Variants in DOP1B observed in about 807,000 individuals in gnomAD.
DOP1B encodes the protein protein DOP1B.
A neutral mutation model predicts 233.5 loss-of-function variants in DOP1B; 174 were observed. The observed-to-expected ratio is 0.75, with a 90% CI of 0.66 to 0.85. The LOEUF (loss-of-function observed/expected upper bound fraction) is 0.85, where lower values mean the gene tolerates loss of function less well. Among genes scored for constraint, DOP1B ranks in the 40% least tolerant of loss-of-function variants. The probability of loss-of-function intolerance (pLI) is 0.00; values close to 1 mark genes in which losing one functional copy is unlikely to be tolerated. For synonymous variants in DOP1B, 1,190 were observed against 1,185.6 expected (o/e 1.00, Z -0.08); for missense variants, 2,652 against 2,846.6 (o/e 0.93, Z 1.56).
intron 30 of DOP1B, among the ~76,000 whole-genome samples, chr21:36,278,952 G>A (rs756646634): frequency 6.6e-6 from 1 of 151,998 alleles, no homozygotes; most frequent in Non-Finnish European, 1.5e-5. Context: ...CAAAATAATT[G>A]GCCAGTGTTA....
At chr21:36,231,215 C>A in intron 14 of DOP1B, 81 bp downstream of exon 14, 1 of 1,470,828 alleles carries the variant, frequency 6.8e-7, no homozygotes, top group Admixed American at 2.3e-5. Flanking sequence ...CCCCTATCCA[C>A]AATGCTAGGG....
rs1601447849 is a variant in DOP1B, at chr21:36,248,516, A to G, written c.4946A>G (p.Asp1649Gly). The G allele has an allele frequency of 6.2e-7, 1 of 1,614,118 alleles. No homozygotes were observed. The highest frequency in any genetic ancestry group is 1.3e-5 in the African/African-American group (1 of 75,052). ...GAGGAGACTCAAAAGAGACCTGTCG[A>G]TCTCCTAGGGGCCACGAAGGGATCC... ...RKEETQKRPV[D>G]LLGATKGSSS... The change falls in exon 21 of 37, where the codon GAT becomes GGT. Residue 1649 changes from aspartate to glycine, a missense_variant. Transcript: ENST00000691173.
In DOP1B at chr21:36,225,607, T is replaced by TC; in HGVS notation, c.1419dup (p.Thr474HisfsTer23). On this transcript the variant is annotated frameshift_variant, in exon 12 of 37. Transcript: ENST00000691173. LOFTEE classifies it high-confidence loss of function. Reference sequence around the variant, plus strand: ...ACAGCGTGAGGAACAGCGTCAGCCCTCCCCCCACGGTCTCGGAGCTCTGCG... The same window carrying TC: ...ACAGCGTGAGGAACAGCGTCAGCCCTCCCCCCCACGGTCTCGGAGCTCTGCG... 6.2e-7 allele frequency: 1 copy of TC among 1,613,908 alleles called. No homozygotes were observed. The highest frequency in any genetic ancestry group is 1.1e-5 in the South Asian group (1 of 91,062).
chr21:36,277,914 T>C, intron 28 of DOP1B, 61 bp from the exon 29 acceptor site: 1 of 1,359,872 alleles, frequency 7.4e-7, no homozygotes, highest in Non-Finnish European at 1.1e-6. Context: ...AGTGCTGGGA[T>C]TACAGGTGTG....
chr21:36,273,009 A>AC (rs1053135836), intron 27 of DOP1B, among the ~76,000 whole-genome samples: 9 of 113,184 alleles, frequency 8.0e-5, no homozygotes, highest in African/African-American at 3.4e-4. Flanking sequence ...AAAAAAAAAG[A>AC]CCCCATCTCT....
At chr21:36,247,488 C>T in intron 19 of DOP1B, 29 bp from the exon 20 acceptor site, 12 of 1,535,380 alleles carry the variant, frequency 7.8e-6, no homozygotes, top group Non-Finnish European at 9.7e-6. Context: ...TAAAAATTCT[C>T]AAACCAGTTT....
At position 36,192,085 on chromosome 21, in the gene DOP1B, A is replaced by T. The variant is rs549967329; in HGVS notation, c.139-6985A>T. On this transcript the variant is annotated intron_variant, in intron 2 of 36. Transcript: ENST00000691173. Reference sequence around the variant, plus strand: ...GGATAACTTTCATTCTTGGCTGGGCATGGTGGCTCATGCCTATAATCTCAG... The same window carrying T: ...GGATAACTTTCATTCTTGGCTGGGCTTGGTGGCTCATGCCTATAATCTCAG... Among the ~76,000 whole-genome samples the T allele has an allele frequency of 7.9e-4, 119 of 150,774 alleles. 1 individual carries two copies. The highest frequency in any genetic ancestry group is 2.8e-3 in the African/African-American group (114 of 41,234).
At chr21:36,293,284 A>G in intron 36 of DOP1B, 36 bp from the exon 37 acceptor site, 3 of 1,603,202 alleles carry the variant, frequency 1.9e-6, no homozygotes, top group Non-Finnish European at 2.6e-6. Context: ...CCCTCAGTAA[A>G]ACCATATCAT....
At chr21:36,281,362 T>C (rs1346809436) in intron 31 of DOP1B, 121 bp from the exon 32 acceptor site, 1 of 1,053,910 alleles carries the variant, frequency 9.5e-7, no homozygotes, top group African/African-American at 1.6e-5. Flanking sequence ...CTCATGTCCT[T>C]ACTTAATAAA....
At chr21:36,250,088 C>T (rs1302379052) in intron 21 of DOP1B, among the ~76,000 whole-genome samples, 3 of 151,972 alleles carry the variant, frequency 2.0e-5, no homozygotes, top group East Asian at 3.9e-4. Flanking sequence ...AGAGTAATTA[C>T]GATAAAGGCC....
chr21:36,245,819 A>G lies in DOP1B; in HGVS notation c.3839A>G (p.Asn1280Ser). Reference sequence around the variant, plus strand: ...ACCGCGCACCTCAACCTCATCTCCAACCTCCTCGCTCGCCACCAGGAGGCC... The same window carrying G: ...ACCGCGCACCTCAACCTCATCTCCAGCCTCCTCGCTCGCCACCAGGAGGCC... ...SSTAHLNLIS[N>S]LLARHQEALI... The change falls in exon 19 of 37, where the codon AAC (asparagine) becomes AGC (serine). Residue 1280 changes from asparagine (N) to serine (S), a missense_variant. Asn to Ser is a conservative substitution (Grantham distance 46). Coordinates refer to ENST00000691173, the MANE Select transcript of DOP1B (RefSeq NM_001320714.2). The surrounding 1 kb of genome is among the most constrained non-coding windows in gnomAD (Gnocchi z 5.5). 9 of 1,611,874 alleles carry G rather than the reference A, an allele frequency of 5.6e-6. No individual in the cohort carries two copies. Among genetic ancestry groups the G allele is most frequent in the South Asian group, 5.5e-5 (5 of 90,914 alleles).
intron 2 of DOP1B, among the ~76,000 whole-genome samples, chr21:36,187,899 C>A (rs2066182921): frequency 6.6e-6 from 1 of 152,188 alleles, no homozygotes; most frequent in Non-Finnish European, 1.5e-5. Flanking sequence ...CTGCGCCTGG[C>A]CTGCTTCTTT....
chr21:36,229,700 C>T lies in DOP1B; in HGVS notation c.1666-750C>T, dbSNP rs553879997. On this transcript the variant is annotated intron_variant, in intron 13 of 36. Coordinates refer to ENST00000691173, the MANE Select transcript of DOP1B (RefSeq NM_001320714.2). ...TTTTTGAGACAGAGTCTCTCTCTGT[C>T]GCCCAGGCTGGAGTGCAGTGGCATG... Among the ~76,000 whole-genome samples the T allele has an allele frequency of 1.1e-4, 16 of 140,190 alleles. No homozygotes were observed. The South Asian group carries it at 1.6e-3, about 14-fold the overall frequency. The allele number at this position is 140,190 out of a possible 152,430, so 92.0% of individuals were successfully genotyped here.
chr21:36,219,303 T>C, intron 9 of DOP1B, 69 bp from the exon 10 acceptor site: 1 of 1,589,318 alleles, frequency 6.3e-7, no homozygotes, highest in Non-Finnish European at 8.6e-7. Context: ...CTTATGTATA[T>C]ACATATGTCA....
At chr21:36,192,391 CTTT>C (rs369131737) in intron 2 of DOP1B, among the ~76,000 whole-genome samples, 3 of 136,810 alleles carry the variant, frequency 2.2e-5, no homozygotes, top group Admixed American at 7.5e-5. Context: ...AATTTTCATT[CTTT>C]TTTTTTTTTT....
At chr21:36,233,105 G>A in intron 15 of DOP1B, 30 bp downstream of exon 15, 1 of 1,606,382 alleles carries the variant, frequency 6.2e-7, no homozygotes, top group Non-Finnish European at 8.5e-7. Context: ...CTCTTCTTAT[G>A]GCCTCCTTCT....
chr21:36,227,312 C>G (rs1046883691), intron 12 of DOP1B, among the ~76,000 whole-genome samples: 1 of 151,832 alleles, frequency 6.6e-6, no homozygotes, highest in African/African-American at 2.4e-5. Context: ...CTTTGGGAGG[C>G]CAAGGTGGAT....
At position 36,165,776 on chromosome 21, in the gene DOP1B, C is replaced by T. The variant is rs1047932033; in HGVS notation, c.138+905C>T. 4.1e-5 allele frequency among the ~76,000 whole-genome samples: 6 copies of T among 146,526 alleles called. No individual in the cohort carries two copies. The South Asian group carries it at 1.3e-3, about 32-fold the overall frequency. On this transcript the variant is annotated intron_variant, in intron 2 of 36. Transcript: ENST00000691173. ...TGTTGCCCAGGTTGGAGTGCAATGG[C>T]GCAACCTTGGCTGACTGCAACCTCC...
chr21:36,277,445 G>A (rs2067364649), intron 28 of DOP1B, among the ~76,000 whole-genome samples: 1 of 151,234 alleles, frequency 6.6e-6, no homozygotes, highest in South Asian at 2.1e-4. Context: ...ATCACGCCCA[G>A]CTAGTTTTTA....
Sources: allele counts gnomAD v4.1 joint callset (sites outside exome capture counted in the v4.1 genomes callset), GRCh38; gene constraint gnomAD v4.1.1; non-coding constraint Gnocchi (gnomAD v3.1); transcripts MANE v1.5; gene names NCBI Gene and HGNC (gene_info 2026-07-23, HGNC 2026-07-21).